GBA1: variants seen among roughly 807,000 people sequenced by gnomAD.
The protein encoded by GBA1 is glucosylceramidase beta 1.
At chr1:155,241,320 G>A in the GBA1 span, 6 of 630,638 alleles carry the variant, frequency 9.5e-6, no homozygotes, top group African/African-American at 1.1e-4. Flanking sequence ...GGCAATCACA[G>A]CCATATTTCT....
At chr1:155,239,566 A>C in the GBA1 span, 1 of 1,609,716 alleles carries the variant, frequency 6.2e-7, no homozygotes, top group Non-Finnish European at 8.5e-7. Context: ...AAGAAAAGAA[A>C]AACGAAAAGT....
the GBA1 span, among the ~76,000 whole-genome samples, chr1:155,241,866 A>C: frequency 1.3e-5 from 2 of 152,226 alleles, no homozygotes; most frequent in African/African-American, 4.8e-5. Flanking sequence ...GCTCCTCTGC[A>C]GCGTCCCTTG....
chr1:155,237,264 C>T, the GBA1 span: 12 of 1,608,548 alleles, frequency 7.5e-6, no homozygotes, highest in Non-Finnish European at 1.0e-5. Flanking sequence ...GTAGAGAAAT[C>T]GCTCTAAGTT....
At chr1:155,238,631 G>C in the GBA1 span, 7 of 1,613,602 alleles carry the variant, frequency 4.3e-6, no homozygotes, top group Admixed American at 6.7e-5. Flanking sequence ...TGGGTACCCG[G>C]ATGATGTTAT....
chr1:155,235,789 T>A, the GBA1 span: 1 of 1,614,172 alleles, frequency 6.2e-7, no homozygotes. Flanking sequence ...GGGTCCTCCT[T>A]CGGGGTTCAG....
At chr1:155,237,412 T>A in the GBA1 span, 1 of 1,613,994 alleles carries the variant, frequency 6.2e-7, no homozygotes, top group East Asian at 2.2e-5. Flanking sequence ...TGGTGAGTAC[T>A]GTTGGCGAGG....
the GBA1 span, chr1:155,241,141 A>T: frequency 6.2e-7 from 1 of 1,611,722 alleles, no homozygotes; most frequent in Non-Finnish European, 8.5e-7. Context: ...TGAAGAGAAG[A>T]CCACAGGGGT....
At chr1:155,237,810 G>A in the GBA1 span, 1 of 889,212 alleles carries the variant, frequency 1.1e-6, no homozygotes, top group Non-Finnish European at 1.7e-6. Context: ...GCTGAGGCAG[G>A]AGAATTGCTT....
At chr1:155,240,015 T>G in the GBA1 span, 2 of 1,613,978 alleles carry the variant, frequency 1.2e-6, no homozygotes, top group Non-Finnish European at 1.7e-6. Context: ...TCACAGTATG[T>G]GGCATTGCAG....
At chr1:155,238,155 G>T in the GBA1 span, 1 of 1,614,182 alleles carries the variant, frequency 6.2e-7, no homozygotes, top group Non-Finnish European at 8.5e-7. Flanking sequence ...TCTGGCCCAG[G>T]TCTGGTGGTA....
At chr1:155,241,067 T>C in the GBA1 span, 4 of 1,610,358 alleles carry the variant, frequency 2.5e-6, no homozygotes, top group Non-Finnish European at 3.4e-6. Flanking sequence ...CAATGCTGAT[T>C]GGGAGCTCTC....
At chr1:155,240,339 C>A in the GBA1 span, 3 of 603,166 alleles carry the variant, frequency 5.0e-6, no homozygotes, top group Non-Finnish European at 5.9e-6. Context: ...TGGTGGCCGC[C>A]TGTAATCCCA....
At chr1:155,235,794 G>A in the GBA1 span, 1 of 1,614,238 alleles carries the variant, frequency 6.2e-7, no homozygotes, top group Non-Finnish European at 8.5e-7. Context: ...CTCCTTCGGG[G>A]TTCAGGGCAA....
the GBA1 span, chr1:155,237,787 A>G: frequency 9.7e-7 from 1 of 1,030,846 alleles, no homozygotes; most frequent in East Asian, 2.6e-5. Context: ...CTATAATCCC[A>G]GCTACTTGGA....
At chr1:155,236,379 C>T in the GBA1 span, 7 of 1,614,026 alleles carry the variant, frequency 4.3e-6, no homozygotes, top group Admixed American at 3.3e-5. Context: ...TGTGTCTCCC[C>T]TAGGGTGGCT....
chr1:155,237,974 G>C, the GBA1 span: 5 of 786,598 alleles, frequency 6.4e-6, no homozygotes, highest in Non-Finnish European at 1.1e-5. Flanking sequence ...CTGATGGAGT[G>C]GGCAAGATTG....
chr1:155,236,656 C>T, the GBA1 span, among the ~76,000 whole-genome samples: 4 of 151,960 alleles, frequency 2.6e-5, no homozygotes, highest in African/African-American at 4.8e-5. Flanking sequence ...GGCGCAATCA[C>T]GACTCACTGC....
At chr1:155,235,172 C>T in the GBA1 span, 1 of 1,589,474 alleles carries the variant, frequency 6.3e-7, no homozygotes, top group Non-Finnish European at 8.6e-7. Flanking sequence ...AGCCCACTTC[C>T]CAGACCTCAC....
At chr1:155,235,462 C>A in the GBA1 span, 2 of 1,291,392 alleles carry the variant, frequency 1.5e-6, no homozygotes, top group South Asian at 1.3e-5. Context: ...TGGGCACTGA[C>A]CCTGCTTTTC....
Sources: gnomAD v4.1 joint callset for allele counts (sites outside exome capture counted in the v4.1 genomes callset) on GRCh38, gnomAD v4.1.1 for gene constraint, MANE v1.5 for transcripts, NCBI Gene and HGNC (gene_info 2026-07-23, HGNC 2026-07-21) for gene names.